Variants in SEC63 observed in about 807,000 individuals in gnomAD.
The protein encoded by SEC63 is SEC63 protein translocation regulator.
Under a neutral mutation model 116.2 loss-of-function variants are expected in SEC63, and 56 were observed. The ratio of observed to expected loss-of-function variants is 0.48; its 90% CI spans 0.39 to 0.60. The LOEUF (loss-of-function observed/expected upper bound fraction) is 0.60, where lower values mean the gene tolerates loss of function less well. SEC63 is among the 20% of genes least tolerant of loss of function. SEC63 has a pLI of 0.00. For synonymous variants in SEC63, 273 were observed against 294.6 expected, an observed-to-expected ratio of 0.93 and a Z score of 0.75; for missense variants, 668 against 900.0, an observed-to-expected ratio of 0.74 and a Z score of 3.30.
chr6:107,934,335 T>C (rs1390842589), intron 1 of SEC63, among the ~76,000 whole-genome samples: 11 of 127,590 alleles, frequency 8.6e-5, no homozygotes, highest in African/African-American at 1.9e-4. Flanking sequence ...TTCCCGGCCG[T>C]CATCCCATCT....
chr6:107,877,864 G>A (rs1264709775), intron 18 of SEC63, among the ~76,000 whole-genome samples: 1 of 152,116 alleles, frequency 6.6e-6, no homozygotes, highest in African/African-American at 2.4e-5. Flanking sequence ...AAATACCTTC[G>A]GAGATAAAGC....
chr6:107,909,046 A>G lies in SEC63; in HGVS notation c.625-11T>C. 1 of 1,567,460 alleles carries G rather than the reference A, an allele frequency of 6.4e-7. No homozygotes were observed. Among genetic ancestry groups the G allele is most frequent in the Non-Finnish European group, 8.8e-7 (1 of 1,138,224 alleles). On this transcript the variant is annotated splice_polypyrimidine_tract_variant and intron_variant, in intron 7 of 20. Coordinates refer to ENST00000369002, the MANE Select transcript of SEC63 (RefSeq NM_007214.5). ...ATACCACCAAGAGCCCTAAAACACA[A>G]AAAAAATTAAACAAGAAAGAAAGTA...
chr6:107,871,487 A>G lies in SEC63; in HGVS notation c.*217T>C. ...TATCATTTGCAGATGAAATAAATGT[A>G]CCATCCCCTACTTGAAAGGTTTCAA... On this transcript the variant is annotated 3_prime_UTR_variant, in exon 21 of 21. Coordinates refer to ENST00000369002, the MANE Select transcript of SEC63 (RefSeq NM_007214.5). The G allele has an allele frequency of 1.7e-6, 1 of 578,272 alleles. No individual in the cohort carries two copies. The highest frequency in any genetic ancestry group is 3.0e-5 in the East Asian group (1 of 32,810). 35.8% of individuals were successfully genotyped at this position (578,272 alleles called of 1,614,324 possible).
At chr6:107,873,280 T>C (rs888423272) in intron 19 of SEC63, among the ~76,000 whole-genome samples, 4 of 152,154 alleles carry the variant, frequency 2.6e-5, no homozygotes, top group African/African-American at 9.7e-5. Context: ...CTTCACTAGA[T>C]AGGAGATACT....
At chr6:107,925,913 G>C (rs1001996856) in intron 2 of SEC63, among the ~76,000 whole-genome samples, 1 of 152,030 alleles carries the variant, frequency 6.6e-6, no homozygotes, top group African/African-American at 2.4e-5. Flanking sequence ...GCAATGGCAC[G>C]ATCTTGGCTC....
In SEC63 at chr6:107,869,196, A is replaced by G. The variant is rs1056438239; in HGVS notation, c.*2508T>C. 5.1e-4 allele frequency: 77 copies of G among 151,098 alleles called. No homozygotes were observed. The highest frequency in any genetic ancestry group is 1.9e-3 in the African/African-American group (75 of 40,446). The allele number at this position is 151,098 out of a possible 1,614,324, so 9.4% of individuals were successfully genotyped here. A position where few individuals can be genotyped will look rare whatever the true frequency, so the allele number is the denominator to read the frequency against. On this transcript the variant is annotated 3_prime_UTR_variant, in exon 21 of 21. Coordinates refer to ENST00000369002, the MANE Select transcript of SEC63 (RefSeq NM_007214.5). ...AGAACTTCACTCAATGTGCTCCCTA[A>G]CTTAAAAAAAAAATTATGAAAAATG...
At chr6:107,919,210 C>T (rs1238397174) in intron 4 of SEC63, among the ~76,000 whole-genome samples, 1 of 152,134 alleles carries the variant, frequency 6.6e-6, no homozygotes, top group Non-Finnish European at 1.5e-5. Flanking sequence ...CGCGCCTGGC[C>T]AGAAGTTGAT....
chr6:107,901,613 G>A (rs1787006533), intron 12 of SEC63, 96 bp from the exon 13 acceptor site: 1 of 864,514 alleles, frequency 1.2e-6, no homozygotes, highest in Non-Finnish European at 1.8e-6. Flanking sequence ...ACAAAATCCA[G>A]CAACTTTTAG....
intron 1 of SEC63, 181 bp downstream of exon 1, chr6:107,957,705 G>C (rs1217217238): frequency 6.4e-6 from 3 of 469,792 alleles, no homozygotes. Flanking sequence ...AGGTGGAGAA[G>C]CGCCGAGGGA....
chr6:107,915,956 A>C (rs1268538109), intron 4 of SEC63, among the ~76,000 whole-genome samples: 4 of 152,202 alleles, frequency 2.6e-5, no homozygotes, highest in Admixed American at 6.5e-5. Context: ...TTTATACATA[A>C]AATATTCTAC....
At chr6:107,941,585 A>G (rs1395455683) in intron 1 of SEC63, among the ~76,000 whole-genome samples, 2 of 152,208 alleles carry the variant, frequency 1.3e-5, no homozygotes, top group Non-Finnish European at 2.9e-5. Flanking sequence ...ACACCCAGAT[A>G]GTAATCATTA....
In SEC63 at chr6:107,912,906, T is replaced by C. The variant is rs1282025409; in HGVS notation, c.515-132A>G. Reference sequence around the variant, plus strand: ...ACACAAAAACAAACTTTGAGAAAGATTATCTTATTAGTAGGCCCCCATTAC... The same window carrying C: ...ACACAAAAACAAACTTTGAGAAAGACTATCTTATTAGTAGGCCCCCATTAC... On this transcript the variant is annotated intron_variant, in intron 5 of 20. Coordinates refer to ENST00000369002, the MANE Select transcript of SEC63 (RefSeq NM_007214.5). 4.1e-6 allele frequency: 3 copies of C among 736,424 alleles called. No individual in the cohort carries two copies. The African/African-American group carries it at 5.3e-5, about 13-fold the overall frequency. 45.6% of individuals were successfully genotyped at this position (736,424 alleles called of 1,614,324 possible).
intron 13 of SEC63, among the ~76,000 whole-genome samples, chr6:107,898,439 T>C (rs1484341416): frequency 6.6e-6 from 1 of 152,162 alleles, no homozygotes; most frequent in Non-Finnish European, 1.5e-5. Context: ...CCTATTAAAC[T>C]GTGCAAACCT....
intron 17 of SEC63, 26 bp downstream of exon 17, chr6:107,882,953 CAATTATTTA>C (rs1562314664): frequency 3.7e-6 from 5 of 1,367,200 alleles, no homozygotes; most frequent in Admixed American, 1.7e-5. Flanking sequence ...GATATAATTC[CAATTATTTA>C]AATTATTTAA....
At chr6:107,910,399 T>C (rs773145361) in intron 7 of SEC63, among the ~76,000 whole-genome samples, 1 of 151,970 alleles carries the variant, frequency 6.6e-6, no homozygotes, top group African/African-American at 2.4e-5. Context: ...ACCCAGGAGG[T>C]AGAGGCTGCA....
At chr6:107,926,690 TAACA>T (rs977950391) in intron 2 of SEC63, among the ~76,000 whole-genome samples, 9 of 152,192 alleles carry the variant, frequency 5.9e-5, no homozygotes, top group South Asian at 4.1e-4. Flanking sequence ...TCCAAAAGGC[TAACA>T]AACAAAGCTC....
At chr6:107,953,559 G>A (rs1214748676) in intron 1 of SEC63, among the ~76,000 whole-genome samples, 5 of 147,148 alleles carry the variant, frequency 3.4e-5, no homozygotes, top group Admixed American at 6.6e-5. Flanking sequence ...CGCCCCGTCC[G>A]GGAGGGAGGT....
At chr6:107,919,745 C>A (rs1787505884) in intron 4 of SEC63, among the ~76,000 whole-genome samples, 1 of 151,678 alleles carries the variant, frequency 6.6e-6, no homozygotes, top group Non-Finnish European at 1.5e-5. Context: ...TGGCGTGAAC[C>A]CGGGAGGCGG....
chr6:107,916,628 T>G (rs1787406145), intron 4 of SEC63, among the ~76,000 whole-genome samples: 2 of 152,258 alleles, frequency 1.3e-5, no homozygotes, highest in Non-Finnish European at 2.9e-5. Flanking sequence ...AGTGCCATTT[T>G]TCCAACAGCA....
Sources: allele counts gnomAD v4.1 joint callset (sites outside exome capture counted in the v4.1 genomes callset), GRCh38; gene constraint gnomAD v4.1.1; transcripts MANE v1.5; gene names NCBI Gene and HGNC (gene_info 2026-07-23, HGNC 2026-07-21).